Variants in ADGRL3 observed in about 807,000 individuals in gnomAD.
ADGRL3 encodes adhesion G protein-coupled receptor L3.
In ADGRL3, 62 loss-of-function variants were observed where a neutral mutation model predicts 153.5. The ratio of observed to expected loss-of-function variants is 0.40; its 90% confidence interval spans 0.33 to 0.50. The LOEUF is 0.50. Ranked by LOEUF, ADGRL3 falls within the 20% of genes least tolerant of loss-of-function variation. The pLI is 0.47. For synonymous variants in ADGRL3, 710 were observed against 672.5 expected, an observed-to-expected ratio of 1.06 and a Z score of -0.86; for missense variants, 1,641 against 1,859.4, an observed-to-expected ratio of 0.88 and a Z score of 2.16.
Position 61,314,147 on chromosome 4 carries a change from T to G in ADGRL3, c.-239-68977T>G, listed in dbSNP as rs538627031. Among the ~76,000 whole-genome samples, 7 of 152,350 alleles carry G rather than the reference T, an allele frequency of 4.6e-5. No homozygotes were observed. The South Asian group carries it at 1.0e-3, about 23-fold the overall frequency. ...GGGACTGCTGTACTTGTCTTTTTCT[T>G]TATTAATAAACCCATCTAGCACAAG... is the stretch of plus-strand genomic sequence containing the variant. On this transcript the variant is annotated intron_variant, in intron 1 of 26. Coordinates refer to ENST00000683033, the MANE Select transcript of ADGRL3 (RefSeq NM_001387552.1).
chr4:61,398,254 A>T (rs2096890535), intron 2 of ADGRL3, among the ~76,000 whole-genome samples: 2 of 151,842 alleles, frequency 1.3e-5, no homozygotes, highest in African/African-American at 4.8e-5. Flanking sequence ...TTAAAAAGAA[A>T]AAAATGATGA....
At chr4:61,388,043 C>T (rs2096759816) in intron 2 of ADGRL3, among the ~76,000 whole-genome samples, 1 of 152,050 alleles carries the variant, frequency 6.6e-6, no homozygotes, top group South Asian at 2.1e-4. Context: ...ATTTGGGGTC[C>T]CTGACTTCCC....
chr4:61,845,308 CTTTATT>C lies in ADGRL3; in HGVS notation c.1480+31431_1480+31436del, dbSNP rs2098102228. On this transcript the variant is annotated intron_variant, in intron 9 of 26. Coordinates refer to ENST00000683033, the MANE Select transcript of ADGRL3 (RefSeq NM_001387552.1). ...ATCTTTTTCTCTTCTTCTCTTTTTG[CTTTATT>C]TTTATTTTTATCTTTTTATTTATTA... Among the ~76,000 whole-genome samples, 4 of 151,624 alleles carry C rather than the reference CTTTATT, an allele frequency of 2.6e-5. No individual in the cohort carries two copies. In the South Asian group the frequency reaches 8.3e-4, roughly 32 times the overall value.
At chr4:61,499,321 T>C (rs2098357459) in intron 3 of ADGRL3, among the ~76,000 whole-genome samples, 1 of 152,226 alleles carries the variant, frequency 6.6e-6, no homozygotes, top group East Asian at 1.9e-4. Context: ...CCATCTTGTT[T>C]TAAGCAAATT....
chr4:61,985,060 A>T (rs1423148267), intron 19 of ADGRL3, among the ~76,000 whole-genome samples: 1 of 152,106 alleles, frequency 6.6e-6, no homozygotes, highest in African/African-American at 2.4e-5. Context: ...AGGTAGAAAG[A>T]CACAAGACTA....
chr4:62,003,590 C>T (rs1482461779), intron 21 of ADGRL3, among the ~76,000 whole-genome samples: 1 of 152,228 alleles, frequency 6.6e-6, no homozygotes, highest in East Asian at 1.9e-4. Flanking sequence ...AAGAATACAG[C>T]ATATAATTTG....
intron 9 of ADGRL3, among the ~76,000 whole-genome samples, chr4:61,848,014 T>C (rs1408684986): frequency 3.6e-4 from 4 of 11,148 alleles, no homozygotes; most frequent in African/African-American, 4.5e-4. Flanking sequence ...ATATATTATA[T>C]ATATAATATA....
intron 8 of ADGRL3, among the ~76,000 whole-genome samples, chr4:61,771,281 G>A (rs2097083124): frequency 1.3e-5 from 2 of 152,140 alleles, no homozygotes; most frequent in Non-Finnish European, 2.9e-5. Flanking sequence ...AATGCTTGTG[G>A]GGTGGGTTGG....
intron 17 of ADGRL3, among the ~76,000 whole-genome samples, chr4:61,970,301 T>G (rs758285586): frequency 6.6e-6 from 1 of 152,114 alleles, no homozygotes; most frequent in South Asian, 2.1e-4. Context: ...AAGGATAAAA[T>G]TTTCTATCTG....
chr4:61,721,175 A>G (rs1007274621), intron 6 of ADGRL3, among the ~76,000 whole-genome samples: 1 of 152,160 alleles, frequency 6.6e-6, no homozygotes, highest in African/African-American at 2.4e-5. Flanking sequence ...GGATAGATGT[A>G]TATGTGAAGG....
At chr4:61,795,967 C>T (rs1407302630) in intron 8 of ADGRL3, among the ~76,000 whole-genome samples, 5 of 152,168 alleles carry the variant, frequency 3.3e-5, no homozygotes, top group South Asian at 2.1e-4. Flanking sequence ...CTCAGCCTCC[C>T]GAGTAGCTGG....
intron 2 of ADGRL3, among the ~76,000 whole-genome samples, chr4:61,490,946 C>G (rs551148154): frequency 1.3e-5 from 2 of 152,054 alleles, no homozygotes; most frequent in African/African-American, 4.8e-5. Flanking sequence ...TAAATTATAG[C>G]TAAAATTTAC....
intron 3 of ADGRL3, among the ~76,000 whole-genome samples, chr4:61,497,801 G>A (rs2098338166): frequency 6.6e-6 from 1 of 151,796 alleles, no homozygotes; most frequent in South Asian, 2.1e-4. Flanking sequence ...TGGGATTACA[G>A]GCGTGAGCCA....
chr4:61,276,960 A>C (rs2093490719), intron 1 of ADGRL3, among the ~76,000 whole-genome samples: 1 of 152,166 alleles, frequency 6.6e-6, no homozygotes, highest in Admixed American at 6.6e-5. Context: ...GGAAACTTCA[A>C]GTCCTGTACA....
chr4:61,972,668 A>C (rs555619850), intron 17 of ADGRL3, among the ~76,000 whole-genome samples: 98 of 152,096 alleles, frequency 6.4e-4, no homozygotes, highest in Admixed American at 2.4e-3. Context: ...TATGAACTTT[A>C]AAGTAGTTTT....
chr4:61,367,920 G>C (rs2096438329), intron 1 of ADGRL3, among the ~76,000 whole-genome samples: 2 of 149,322 alleles, frequency 1.3e-5, no homozygotes, highest in African/African-American at 5.0e-5. Flanking sequence ...ACTTTTTAAT[G>C]ATCGCCATTC....
chr4:61,739,689 A>T (rs12642102), intron 8 of ADGRL3, among the ~76,000 whole-genome samples: 27,238 of 152,078 alleles, frequency 0.18, 2,516 homozygotes, highest in East Asian at 0.23. Flanking sequence ...CAGCACATGG[A>T]TCTATAATCT....
At chr4:61,316,074 T>C (rs746786567) in intron 1 of ADGRL3, among the ~76,000 whole-genome samples, 5 of 152,122 alleles carry the variant, frequency 3.3e-5, no homozygotes, top group Admixed American at 6.6e-5. Flanking sequence ...AAATAACTTA[T>C]TAAGTAAAAT....
chr4:62,064,688 C>T (rs1210435168), intron 25 of ADGRL3, among the ~76,000 whole-genome samples: 3 of 149,414 alleles, frequency 2.0e-5, no homozygotes, highest in Non-Finnish European at 3.0e-5. Context: ...TTTTCTTTCT[C>T]GGTCACAGGT....
Sources: allele counts gnomAD v4.1 joint callset (sites outside exome capture counted in the v4.1 genomes callset), GRCh38; gene constraint gnomAD v4.1.1; transcripts MANE v1.5; gene names NCBI Gene and HGNC (gene_info 2026-07-23, HGNC 2026-07-21).